Variants in ROR2 observed in about 807,000 individuals in gnomAD.
The protein encoded by ROR2 is ROR family WNT receptor 2.
ROR2 carries 33 observed loss-of-function variants against 74.9 expected under a neutral mutation model. The observed-to-expected ratio is 0.44, with a 90% CI of 0.33 to 0.59. ROR2 has a LOEUF of 0.59. Among genes scored for constraint, ROR2 ranks in the 20% least tolerant of loss-of-function variants. The pLI, the probability that ROR2 is intolerant of heterozygous loss-of-function variation, is 0.02. For synonymous variants in ROR2, 586 were observed against 558.7 expected (o/e 1.05, Z -0.69); for missense variants, 1,216 against 1,313.8 (o/e 0.93, Z 1.15).
intron 1 of ROR2, among the ~76,000 whole-genome samples, chr9:91,944,372 C>T (rs1304659915): frequency 6.6e-6 from 1 of 152,020 alleles, no homozygotes; most frequent in Non-Finnish European, 1.5e-5. Context: ...CCAGGCTGAG[C>T]AATTAGGCAA....
At chr9:91,784,712 T>C (rs1826736993) in intron 1 of ROR2, among the ~76,000 whole-genome samples, 1 of 152,240 alleles carries the variant, frequency 6.6e-6, no homozygotes, top group Admixed American at 6.5e-5. Context: ...AAAATCTTTC[T>C]CATACAACAC....
At chr9:91,826,320 C>A (rs775179375) in intron 1 of ROR2, among the ~76,000 whole-genome samples, 5 of 152,160 alleles carry the variant, frequency 3.3e-5, no homozygotes, top group Non-Finnish European at 5.9e-5. Context: ...CACACATACT[C>A]CAGACCCCCT....
At chr9:91,862,628 C>G (rs930640986) in intron 1 of ROR2, among the ~76,000 whole-genome samples, 1 of 152,102 alleles carries the variant, frequency 6.6e-6, no homozygotes, top group African/African-American at 2.4e-5. Flanking sequence ...CACCACCGCA[C>G]TGCAGCCTGG....
Position 91,733,451 on chromosome 9 carries a change from A to C in ROR2, c.623-15T>G. ...GGTGAAGGCCGCTGCAGAGCCCGCG[A>C]GACTCGCGTTAGCGGGGGACCCACC... On this transcript the variant is annotated splice_polypyrimidine_tract_variant and intron_variant, in intron 5 of 8. Transcript: ENST00000375708. The surrounding 1 kb of genome is among the most constrained non-coding windows in gnomAD (Gnocchi z 5.7). The C allele has an allele frequency of 1.2e-6, 2 of 1,607,540 alleles. No individual in the cohort carries two copies. Among genetic ancestry groups the C allele is most frequent in the Non-Finnish European group, 1.7e-6 (2 of 1,178,628 alleles).
At chr9:91,730,237 C>T (rs533243415) in intron 7 of ROR2, among the ~76,000 whole-genome samples, 10 of 152,218 alleles carry the variant, frequency 6.6e-5, no homozygotes, top group African/African-American at 2.2e-4. Flanking sequence ...AGCCACCGCA[C>T]TGGGAGATAA....
intron 4 of ROR2, among the ~76,000 whole-genome samples, chr9:91,738,696 T>A (rs933914010): frequency 2.0e-5 from 3 of 152,224 alleles, no homozygotes; most frequent in African/African-American, 7.2e-5. Flanking sequence ...CAGAATGGCA[T>A]ACATGCATGC....
chr9:91,914,490 G>A (rs888905718), intron 1 of ROR2, among the ~76,000 whole-genome samples: 4 of 152,158 alleles, frequency 2.6e-5, no homozygotes, highest in Non-Finnish European at 4.4e-5. Flanking sequence ...TGACGTCACC[G>A]AGGTCCAGGT....
chr9:91,918,296 A>T (rs1206538170), intron 1 of ROR2, among the ~76,000 whole-genome samples: 1 of 151,360 alleles, frequency 6.6e-6, no homozygotes, highest in Non-Finnish European at 1.5e-5. Flanking sequence ...GTTGAAGGGC[A>T]CAGGGCCAGA....
intron 1 of ROR2, among the ~76,000 whole-genome samples, chr9:91,857,828 T>C (rs927391606): frequency 1.3e-5 from 2 of 152,184 alleles, no homozygotes; most frequent in South Asian, 2.1e-4. Flanking sequence ...CTGGTTTTCA[T>C]TGAACGGAGT....
At chr9:91,915,372 G>C (rs1195804045) in intron 1 of ROR2, among the ~76,000 whole-genome samples, 1 of 152,176 alleles carries the variant, frequency 6.6e-6, no homozygotes, top group Non-Finnish European at 1.5e-5. Flanking sequence ...GTTCCTTCCG[G>C]TAGGTTCACA....
rs559092330 is a variant in ROR2 at position 91,733,662 on chromosome 9, A to G, written c.623-226T>C. ...GCTCTGATTTGCAGCAGTCACAGAAAAGTCCCTGGTCCCAGGGCCTCACTT... is the reference window on the plus strand; with the variant it reads ...GCTCTGATTTGCAGCAGTCACAGAAGAGTCCCTGGTCCCAGGGCCTCACTT... On this transcript the variant is annotated intron_variant, in intron 5 of 8. Coordinates refer to ENST00000375708, the MANE Select transcript of ROR2 (RefSeq NM_004560.4). The surrounding 1 kb of genome is among the most constrained non-coding windows in gnomAD (Gnocchi z 5.7). Among the ~76,000 whole-genome samples the G allele has an allele frequency of 3.3e-5, 5 of 152,112 alleles. No homozygotes were observed. Among genetic ancestry groups the G allele is most frequent in the African/African-American group, 1.2e-4 (5 of 41,486 alleles).
At chr9:91,847,304 C>T (rs949617447) in intron 1 of ROR2, among the ~76,000 whole-genome samples, 1 of 152,154 alleles carries the variant, frequency 6.6e-6, no homozygotes, top group Non-Finnish European at 1.5e-5. Context: ...GGCCACTTTC[C>T]CTCCCTCCTG....
chr9:91,910,244 C>G lies in ROR2; in HGVS notation c.97+39623G>C, dbSNP rs560174150. 9.6e-4 allele frequency among the ~76,000 whole-genome samples: 146 copies of G among 152,272 alleles called. 1 individual carries two copies. Among genetic ancestry groups the G allele is most frequent in the African/African-American group, 3.2e-3 (135 of 41,568 alleles). On this transcript the variant is annotated intron_variant, in intron 1 of 8. Transcript: ENST00000375708. ...GCTGGCACTGGTGATGTGAAATAGGCAATTCCAGACATTTCAGACTGGAGA... is the reference window on the plus strand; with the variant it reads ...GCTGGCACTGGTGATGTGAAATAGGGAATTCCAGACATTTCAGACTGGAGA...
rs143159791 is a variant in ROR2 at position 91,784,972 on chromosome 9, G to GATGA, written c.98-9158_98-9155dup. On this transcript the variant is annotated intron_variant, in intron 1 of 8. Transcript: ENST00000375708. ...CAGCATGCAAGTTGCTCATTAGGTG[G>GATGA]ATGAATGAATGAATGAATGAATGCT... 1.4e-4 allele frequency among the ~76,000 whole-genome samples: 22 copies of GATGA among 152,264 alleles called. No homozygotes were observed. In the South Asian group the frequency reaches 2.1e-3, roughly 14 times the overall value.
At chr9:91,897,358 G>C (rs1201313761) in intron 1 of ROR2, among the ~76,000 whole-genome samples, 2 of 152,242 alleles carry the variant, frequency 1.3e-5, no homozygotes, top group African/African-American at 4.8e-5. Flanking sequence ...TTGTACAGAG[G>C]AAAGAAGGTG....
intron 4 of ROR2, among the ~76,000 whole-genome samples, chr9:91,750,791 T>C (rs1022820563): frequency 6.6e-6 from 1 of 152,002 alleles, no homozygotes; most frequent in Non-Finnish European, 1.5e-5. Context: ...GTTTAGTGAA[T>C]AAGCAAATTT....
intron 1 of ROR2, among the ~76,000 whole-genome samples, chr9:91,826,835 T>C (rs1180376326): frequency 6.6e-6 from 1 of 151,500 alleles, no homozygotes; most frequent in African/African-American, 2.4e-5. Context: ...CTTTTGTAAA[T>C]GTGTATGTAC....
chr9:91,940,984 C>T (rs1831840263), intron 1 of ROR2, among the ~76,000 whole-genome samples: 1 of 146,614 alleles, frequency 6.8e-6, no homozygotes, highest in African/African-American at 2.5e-5. Flanking sequence ...TAGAATTTAA[C>T]ATTTTTAATT....
rs1013290515 is a variant in ROR2, at chr9:91,726,673, G to A, written c.1254C>T (p.Ile418=). Residue 418 remains isoleucine (I), a synonymous_variant, in exon 8 of 9, where the codon ATC becomes ATT. Transcript: ENST00000375708. ...TGCAAACCAAGAAGAAAAGGCAAGC[G>A]ATGACCAGTGGAATTGCGATGCTGG... The part of the protein sequence containing the change: ...LVPSIAIPLV[I]ACLFFLVCMC... 16 of 1,613,818 alleles carry A rather than the reference G, an allele frequency of 9.9e-6. No individual in the cohort carries two copies. In the African/African-American group the frequency reaches 1.5e-4, roughly 15 times the overall value.
Sources: allele counts gnomAD v4.1 joint callset (sites outside exome capture counted in the v4.1 genomes callset), GRCh38; gene constraint gnomAD v4.1.1; non-coding constraint Gnocchi (gnomAD v3.1); transcripts MANE v1.5; gene names NCBI Gene and HGNC (gene_info 2026-07-23, HGNC 2026-07-21).